Variants in NEGR1 observed in about 807,000 individuals in gnomAD.
The protein encoded by NEGR1 is IgLON family member 4.
NEGR1 carries 10 observed loss-of-function variants against 40.9 expected under a neutral mutation model. The observed-to-expected ratio is 0.24, with a 90% CI of 0.15 to 0.42. NEGR1 has a LOEUF of 0.42. NEGR1 is among the 10% of genes least tolerant of loss of function. NEGR1 has a pLI of 1.00. For missense variants in NEGR1, 352 were observed against 438.9 expected, an observed-to-expected ratio of 0.80 and a Z score of 1.77; for synonymous variants, 185 against 166.8, an observed-to-expected ratio of 1.11 and a Z score of -0.84.
At chr1:71,684,086 C>T (rs1832038) in intron 4 of NEGR1, among the ~76,000 whole-genome samples, 49,385 of 151,854 alleles carry the variant, frequency 0.33, 9,740 homozygotes, top group East Asian at 0.46. Context: ...CTGGCTAACA[C>T]GGTGAAACCC....
intron 1 of NEGR1, among the ~76,000 whole-genome samples, chr1:72,256,981 T>C (rs1280322151): frequency 1.3e-5 from 2 of 152,186 alleles, no homozygotes; most frequent in African/African-American, 4.8e-5. Flanking sequence ...CAAATTAAGA[T>C]CTGTGGTTTG....
At chr1:71,447,453 G>C (rs1646590752) in intron 6 of NEGR1, among the ~76,000 whole-genome samples, 1 of 152,174 alleles carries the variant, frequency 6.6e-6, no homozygotes, top group Non-Finnish European at 1.5e-5. Context: ...ATGATGCTAT[G>C]AAGAATATGG....
At chr1:71,905,738 G>T (rs11209867) in intron 2 of NEGR1, among the ~76,000 whole-genome samples, 32,425 of 151,684 alleles carry the variant, frequency 0.21, 4,258 homozygotes, top group East Asian at 0.5. Context: ...TGATAAAACT[G>T]CTTTCCAAAG....
chr1:71,592,752 A>C, intron 6 of NEGR1, 65 bp downstream of exon 6: 8 of 1,306,728 alleles, frequency 6.1e-6, no homozygotes, highest in Non-Finnish European at 8.5e-6. Flanking sequence ...CTTAGGTTTT[A>C]TCTCTACAGA....
intron 2 of NEGR1, among the ~76,000 whole-genome samples, chr1:71,842,237 G>C (rs1041612095): frequency 6.6e-6 from 1 of 152,108 alleles, no homozygotes; most frequent in Non-Finnish European, 1.5e-5. Flanking sequence ...TGGCTTGTTA[G>C]ACAGTGGAAT....
At chr1:72,252,055 T>C (rs1162426181) in intron 1 of NEGR1, among the ~76,000 whole-genome samples, 3 of 152,172 alleles carry the variant, frequency 2.0e-5, no homozygotes, top group African/African-American at 7.2e-5. Context: ...ATTTGAATCT[T>C]CCTAAAGCAT....
intron 1 of NEGR1, among the ~76,000 whole-genome samples, chr1:72,280,742 C>G (rs1176622424): frequency 6.6e-6 from 1 of 152,032 alleles, no homozygotes; most frequent in African/African-American, 2.4e-5. Flanking sequence ...TAGGCATGTT[C>G]CAAAAGGTGT....
intron 1 of NEGR1, among the ~76,000 whole-genome samples, chr1:72,017,665 A>C (rs1252672959): frequency 6.6e-6 from 1 of 151,956 alleles, no homozygotes; most frequent in African/African-American, 2.4e-5. Flanking sequence ...AATCTGTTAC[A>C]ATCCAATTAT....
chr1:71,499,339 A>G (rs1646984523), intron 6 of NEGR1, among the ~76,000 whole-genome samples: 1 of 151,618 alleles, frequency 6.6e-6, no homozygotes. Context: ...GCAGTTTACA[A>G]TCACCTAGTG....
At chr1:71,425,248 G>A (rs1316200884) in intron 6 of NEGR1, among the ~76,000 whole-genome samples, 1 of 152,186 alleles carries the variant, frequency 6.6e-6, no homozygotes, top group Non-Finnish European at 1.5e-5. Flanking sequence ...TTAAAGCATG[G>A]AAGAGGTAGT....
At chr1:72,096,891 C>G (rs1648723309) in intron 1 of NEGR1, among the ~76,000 whole-genome samples, 1 of 151,976 alleles carries the variant, frequency 6.6e-6, no homozygotes, top group South Asian at 2.1e-4. Context: ...ACCATGTTAG[C>G]CAGGATGATC....
intron 1 of NEGR1, among the ~76,000 whole-genome samples, chr1:71,971,137 A>G (rs1646252827): frequency 6.6e-6 from 1 of 152,214 alleles, no homozygotes; most frequent in South Asian, 2.1e-4. Flanking sequence ...TCGATGCTAC[A>G]AACCAAAGAA....
intron 1 of NEGR1, among the ~76,000 whole-genome samples, chr1:72,205,756 C>CAAAAAAAAA (rs35490878): frequency 9.1e-4 from 28 of 30,878 alleles, no homozygotes; most frequent in East Asian, 1.4e-3. Context: ...CCCATTTCTA[C>CAAAAAAAAA]AAAAAAAAAA....
chr1:71,962,530 G>A (rs560111485), intron 1 of NEGR1, among the ~76,000 whole-genome samples: 4 of 152,004 alleles, frequency 2.6e-5, no homozygotes, highest in East Asian at 1.9e-4. Context: ...GCAATCATTC[G>A]TATAATGATA....
In NEGR1 at chr1:72,282,367, G is replaced by A. The variant is rs1242237844; in HGVS notation, c.128C>T (p.Ala43Val). 1.9e-6 allele frequency: 3 copies of A among 1,614,038 alleles called. No individual in the cohort carries two copies. The highest frequency in any genetic ancestry group is 2.5e-6 in the Non-Finnish European group (3 of 1,180,004). The change falls in exon 1 of 7, where the codon GCG (alanine) becomes GTG (valine). Residue 43 changes from alanine (A) to valine (V), a missense_variant. Around this residue, in one of 5 missense-constraint regions of NEGR1, gnomAD observed 81 missense variants for 85.8 expected, o/e 0.94. Transcript: ENST00000357731. The stretch of plus-strand genomic sequence containing the variant: ...TCTGACCATCATGTTGTCCACGGCC[G>A]CCCAGGGGAAGTCCACACTCTGTCC... ...PAGQSVDFPW[A>V]AVDNMMVRKG... is the part of the protein sequence containing the mutation.
At chr1:71,571,018 C>T (rs972800250) in intron 6 of NEGR1, 1 of 151,956 alleles carries the variant, frequency 6.6e-6, no homozygotes, top group Non-Finnish European at 1.5e-5. Flanking sequence ...AGCTAATTAC[C>T]AAATTAAACT....
chr1:71,411,828 C>T (rs1157719738), intron 6 of NEGR1, among the ~76,000 whole-genome samples: 8 of 151,948 alleles, frequency 5.3e-5, no homozygotes, highest in Admixed American at 5.2e-4. Flanking sequence ...GGCGAAACCC[C>T]GCCTCTACTA....
intron 2 of NEGR1, among the ~76,000 whole-genome samples, chr1:71,821,583 G>A (rs1658431729): frequency 6.6e-6 from 1 of 151,978 alleles, no homozygotes; most frequent in African/African-American, 2.4e-5. Context: ...AGGCTAAGGT[G>A]CAACAGCCCC....
At chr1:71,709,312 G>T (rs116559376) in intron 3 of NEGR1, among the ~76,000 whole-genome samples, 154 of 152,254 alleles carry the variant, frequency 1.0e-3, no homozygotes, top group Non-Finnish European at 1.7e-3. Flanking sequence ...AGCATCTGTT[G>T]CTTTTTAACT....
Sources: allele counts gnomAD v4.1 joint callset (sites outside exome capture counted in the v4.1 genomes callset), GRCh38; gene constraint gnomAD v4.1.1; regional missense constraint gnomAD v4.1.1; transcripts MANE v1.5; gene names NCBI Gene and HGNC (gene_info 2026-07-23, HGNC 2026-07-21).